Variants in CNTN2 observed in about 807,000 individuals in gnomAD.
CNTN2 encodes the protein contactin 2.
A neutral mutation model predicts 117.5 loss-of-function variants in CNTN2; 53 were observed. That is an observed-to-expected ratio of 0.45 (90% CI 0.36 to 0.57). CNTN2 has a LOEUF of 0.57. Among genes scored for constraint, CNTN2 ranks in the 20% least tolerant of loss-of-function variants. CNTN2 has a pLI of 0.00. For synonymous variants in CNTN2, 530 were observed against 561.7 expected, an observed-to-expected ratio of 0.94 and a Z score of 0.80; for missense variants, 1,106 against 1,404.3, an observed-to-expected ratio of 0.79 and a Z score of 3.39.
rs139907473 is a variant in CNTN2 at position 205,064,449 on chromosome 1, G to C, written c.1368G>C (p.Thr456=). The change falls in exon 11 of 23, where the codon ACG becomes ACC. Residue 456 remains threonine, a synonymous_variant. Transcript: ENST00000331830. ...CCGTGGTGCTCTGGAGCAAAGGCAC[G>C]GAGATTTTGGTCAACAGCAGCAGGT... ...PKAVVLWSKG[T]EILVNSSRVT... 2 of 1,610,664 alleles carry C rather than the reference G, an allele frequency of 1.2e-6. No homozygotes were observed. The highest frequency in any genetic ancestry group is 1.7e-6 in the Non-Finnish European group (2 of 1,177,222).
intron 1 of CNTN2, among the ~76,000 whole-genome samples, chr1:205,046,268 C>T (rs902235870): frequency 3.3e-5 from 5 of 152,308 alleles, no homozygotes; most frequent in African/African-American, 9.6e-5. Context: ...CTGAACACCT[C>T]CCATCCCAGG....
At chr1:205,050,281 G>GTATA (rs2096450208) in intron 1 of CNTN2, among the ~76,000 whole-genome samples, 1 of 37,026 alleles carries the variant, frequency 2.7e-5, no homozygotes, top group African/African-American at 1.9e-4. Context: ...AGCTCTGAGT[G>GTATA]TGTGTGTGTG....
At position 205,059,459 on chromosome 1, in the gene CNTN2, G is replaced by T; in HGVS notation, c.698-124G>T. 8.3e-7 allele frequency: 1 copy of T among 1,201,330 alleles called. No individual in the cohort carries two copies. Among genetic ancestry groups the T allele is most frequent in the East Asian group, 2.3e-5 (1 of 42,576 alleles). The allele number at this position is 1,201,330 out of a possible 1,614,324, so 74.4% of individuals were successfully genotyped here. ...TCAAATCCTGAGGCCCTTGCCCCAG[G>T]CCTCAAGGAGATTCCACACAGCTGC... On this transcript the variant is annotated intron_variant, in intron 6 of 22. Coordinates refer to ENST00000331830, the MANE Select transcript of CNTN2 (RefSeq NM_005076.5). This position sits in a 1 kb window ranked among gnomAD's most constrained non-coding sequence, Gnocchi z 5.6.
intron 17 of CNTN2, 86 bp downstream of exon 17, chr1:205,069,647 C>A: frequency 6.7e-7 from 1 of 1,487,908 alleles, no homozygotes. Context: ...CTGCACAGCT[C>A]TGACTCAAAC....
chr1:205,059,864 C>T lies in CNTN2; in HGVS notation c.797+182C>T, dbSNP rs1213378131. On this transcript the variant is annotated intron_variant, in intron 7 of 22. Transcript: ENST00000331830. The surrounding 1 kb of genome is among the most constrained non-coding windows in gnomAD (Gnocchi z 5.6). ...GACAGTACCTCTCTGGGTGAGGCATCGCATATGCCAGGGGCCTTCCATGGC... is the reference window on the plus strand; with the variant it reads ...GACAGTACCTCTCTGGGTGAGGCATTGCATATGCCAGGGGCCTTCCATGGC... 1.5e-4 allele frequency: 89 copies of T among 594,990 alleles called. No homozygotes were observed. The highest frequency in any genetic ancestry group is 2.7e-5 in the Non-Finnish European group (9 of 331,840). The allele number at this position is 594,990 out of a possible 1,614,324, so 36.9% of individuals were successfully genotyped here.
At position 205,051,246 on chromosome 1, in the gene CNTN2, T is replaced by C. The variant is rs1444554133; in HGVS notation, c.-86-1854T>C. Among the ~76,000 whole-genome samples the C allele has an allele frequency of 2.0e-5, 3 of 152,288 alleles. No individual in the cohort carries two copies. In the East Asian group the frequency reaches 5.8e-4, roughly 29 times the overall value. ...CTCTCCCCTGGGCAGCTCAGAACCT[T>C]CTAATGGAGATGGACACAGTTCTAC... is the stretch of plus-strand genomic sequence containing the variant. On this transcript the variant is annotated intron_variant, in intron 1 of 22. Coordinates refer to ENST00000331830, the MANE Select transcript of CNTN2 (RefSeq NM_005076.5).
At position 205,071,239 on chromosome 1, in the gene CNTN2, G is replaced by T. The variant is rs1654581728; in HGVS notation, c.2544+701G>T. 7.9e-5 allele frequency among the ~76,000 whole-genome samples: 12 copies of T among 152,338 alleles called. 2 individuals carry two copies. The South Asian group carries it at 2.5e-3, about 32-fold the overall frequency. On this transcript the variant is annotated intron_variant, in intron 19 of 22. Coordinates refer to ENST00000331830, the MANE Select transcript of CNTN2 (RefSeq NM_005076.5). The stretch of plus-strand genomic sequence containing the variant: ...GACAGTTGATCATCCTGTCCCGGGG[G>T]AATCTGGGGCCCAGCAGTCTGGCCT...
chr1:205,066,557 G>A lies in CNTN2; in HGVS notation c.1933G>A (p.Ala645Thr), dbSNP rs1464045426. 6.2e-7 allele frequency: 1 copy of A among 1,614,078 alleles called. No homozygotes were observed. Among genetic ancestry groups the A allele is most frequent in the Admixed American group, 1.7e-5 (1 of 60,018 alleles). Residue 645 changes from alanine (A) to threonine (T), a missense_variant, in exon 15 of 23, where the codon GCT (alanine) becomes ACT (threonine). Physicochemically the swap from Ala to Thr is moderately conservative, Grantham distance 58 (BLOSUM62 0). Transcript: ENST00000331830. ...CCCCATCGCTAAGTACACCCTGCAA[G>A]CTCGCACTCCACCTGCAGGGAAGTG... ...HSPIAKYTLQ[A>T]RTPPAGKWKQ...
At position 205,061,031 on chromosome 1, in the gene CNTN2, T is replaced by C; in HGVS notation, c.798-214T>C. 1.8e-6 allele frequency: 1 copy of C among 541,214 alleles called. No individual in the cohort carries two copies. Among genetic ancestry groups the C allele is most frequent in the Non-Finnish European group, 3.2e-6 (1 of 307,946 alleles). The allele number at this position is 541,214 out of a possible 1,614,324, so 33.5% of individuals were successfully genotyped here. A position where few individuals can be genotyped will look rare whatever the true frequency, so the allele number is the denominator to read the frequency against. On this transcript the variant is annotated intron_variant, in intron 7 of 22. Coordinates refer to ENST00000331830, the MANE Select transcript of CNTN2 (RefSeq NM_005076.5). This position sits in a 1 kb window ranked among gnomAD's most constrained non-coding sequence, Gnocchi z 4.8. ...CCAGGGTTGTTGCAGGGGGGATGGG[T>C]AGAGCAGCCCTGCCTCTTGCCCCTT...
At position 205,075,201 on chromosome 1, in the gene CNTN2, TAAG is replaced by T. The variant is rs1428943862; in HGVS notation, c.*1440_*1442del. ...CACTGCTGAATGGCTATGGCCTGGCTAAGAAGGTGATTAGTCAGTAGGGTGTGA... is the reference window on the plus strand; with the variant it reads ...CACTGCTGAATGGCTATGGCCTGGCTAAGGTGATTAGTCAGTAGGGTGTGA... On this transcript the variant is annotated 3_prime_UTR_variant, in exon 23 of 23. Coordinates refer to ENST00000331830, the MANE Select transcript of CNTN2 (RefSeq NM_005076.5). 4.6e-5 allele frequency: 14 copies of T among 306,632 alleles called. No homozygotes were observed. Among genetic ancestry groups the T allele is most frequent in the Non-Finnish European group, 8.3e-5 (14 of 167,870 alleles). The allele number at this position is 306,632 out of a possible 1,614,324, so 19.0% of individuals were successfully genotyped here.
chr1:205,047,751 G>A (rs1418152346), intron 1 of CNTN2, among the ~76,000 whole-genome samples: 1 of 152,130 alleles, frequency 6.6e-6, no homozygotes, highest in African/African-American at 2.4e-5. Flanking sequence ...AGCCAGACAG[G>A]CACAGTGGCT....
chr1:205,066,282 C>A, intron 14 of CNTN2, 159 bp from the exon 15 acceptor site: 1 of 818,814 alleles, frequency 1.2e-6, no homozygotes, highest in Non-Finnish European at 1.9e-6. Flanking sequence ...GCCCCAACTG[C>A]CCACACCCCT....
In CNTN2 at chr1:205,067,243, G is replaced by A; in HGVS notation, c.2118G>A (p.Arg706=). Residue 706 remains arginine, a synonymous_variant, in exon 16 of 23, where the codon AGG becomes AGA. Coordinates refer to ENST00000331830, the MANE Select transcript of CNTN2 (RefSeq NM_005076.5). ...GGCCCTCCAGCAAAATCCGGACCAG[G>A]GAAGCAGGTGAGAGTCCTGTGTGTC... ...PSGPSSKIRT[R]EAAPSVAPSG... is the part of the protein sequence containing the mutation. The A allele has an allele frequency of 1.9e-6, 3 of 1,612,856 alleles. No homozygotes were observed. The highest frequency in any genetic ancestry group is 2.5e-6 in the Non-Finnish European group (3 of 1,179,374).
At position 205,065,852 on chromosome 1, in the gene CNTN2, T is replaced by G; in HGVS notation, c.1759T>G (p.Cys587Gly). Residue 587 changes from cysteine (C) to glycine (G), a missense_variant, in exon 14 of 23, where the codon TGC (cysteine) becomes GGC (glycine). Transcript: ENST00000331830. The surrounding 1 kb of genome is among the most constrained non-coding windows in gnomAD (Gnocchi z 4.1). ...GCTGCGCCATGGGGGGAAGTACACG[T>G]GCATGGCCCAGACGGTGGTGGACAG... ...AQLRHGGKYT[C>G]MAQTVVDSAS... The G allele has an allele frequency of 6.3e-7, 1 of 1,579,690 alleles. No individual in the cohort carries two copies. Among genetic ancestry groups the G allele is most frequent in the Non-Finnish European group, 8.7e-7 (1 of 1,155,766 alleles).
chr1:205,053,742 T>A (rs1425554958), intron 2 of CNTN2, among the ~76,000 whole-genome samples: 1 of 152,182 alleles, frequency 6.6e-6, no homozygotes, highest in Non-Finnish European at 1.5e-5. Context: ...TGCAGGACAT[T>A]CTCCCAGACA....
intron 16 of CNTN2, chr1:205,068,392 A>G (rs1412562998): frequency 6.6e-6 from 1 of 152,224 alleles, no homozygotes; most frequent in African/African-American, 2.4e-5. Context: ...CTGACTCTCC[A>G]GGCCCTTTTT....
chr1:205,070,317 C>A, intron 18 of CNTN2, 109 bp from the exon 19 acceptor site: 1 of 817,468 alleles, frequency 1.2e-6, no homozygotes, highest in Non-Finnish European at 1.9e-6. Context: ...GGCCTTCATC[C>A]TGAAGGCTTT....
Position 205,065,066 on chromosome 1 carries a change from G to A in CNTN2, c.1520-21G>A, listed in dbSNP as rs1654204882. On this transcript the variant is annotated intron_variant, in intron 12 of 22. Coordinates refer to ENST00000331830, the MANE Select transcript of CNTN2 (RefSeq NM_005076.5). This position sits in a 1 kb window ranked among gnomAD's most constrained non-coding sequence, Gnocchi z 4.1. ...CCCATTTCCTCCCCCATCCACCCAA[G>A]GGCCTTGTTTTTCTTGGCAGATGCA... 2 of 1,612,878 alleles carry A rather than the reference G, an allele frequency of 1.2e-6. No homozygotes were observed. Among genetic ancestry groups the A allele is most frequent in the Non-Finnish European group, 8.5e-7 (1 of 1,179,554 alleles).
chr1:205,046,233 G>A (rs919814724), intron 1 of CNTN2, among the ~76,000 whole-genome samples: 34 of 152,184 alleles, frequency 2.2e-4, no homozygotes, highest in Non-Finnish European at 4.3e-4. Context: ...ACAAAAGCAA[G>A]GAGTGTGATA....
Sources: allele counts gnomAD v4.1 joint callset (sites outside exome capture counted in the v4.1 genomes callset), GRCh38; gene constraint gnomAD v4.1.1; non-coding constraint Gnocchi (gnomAD v3.1); transcripts MANE v1.5; gene names NCBI Gene and HGNC (gene_info 2026-07-23, HGNC 2026-07-21).